NELL1: variants seen among roughly 807,000 people sequenced by gnomAD.
The protein encoded by NELL1 is protein kinase C-binding protein NELL1.
Under a neutral mutation model 107.4 loss-of-function variants are expected in NELL1, and 76 were observed. The observed-to-expected ratio is 0.71, with a 90% CI of 0.59 to 0.86. NELL1 has a LOEUF of 0.86. Among genes scored for constraint, NELL1 ranks in the 40% least tolerant of loss-of-function variants. The probability of loss-of-function intolerance (pLI) is 0.00; values close to 1 mark genes in which losing one functional copy is unlikely to be tolerated. For missense variants in NELL1, 1,024 were observed against 1,005.5 expected, an observed-to-expected ratio of 1.02 and a Z score of -0.25; for synonymous variants, 353 against 341.2, an observed-to-expected ratio of 1.03 and a Z score of -0.38.
At chr11:21,435,731 T>G (rs947763779) in intron 15 of NELL1, among the ~76,000 whole-genome samples, 1 of 152,030 alleles carries the variant, frequency 6.6e-6, no homozygotes, top group Admixed American at 6.6e-5. Flanking sequence ...TTGCTAGTAA[T>G]TTGTTGCATG....
chr11:20,834,388 G>A (rs1848491796), intron 3 of NELL1, among the ~76,000 whole-genome samples: 2 of 152,280 alleles, frequency 1.3e-5, no homozygotes, highest in Non-Finnish European at 1.5e-5. Context: ...CGAGTATTGA[G>A]TTTGGGGTAT....
chr11:21,423,174 C>T (rs923648410), intron 15 of NELL1, among the ~76,000 whole-genome samples: 5 of 151,834 alleles, frequency 3.3e-5, no homozygotes, highest in Admixed American at 1.3e-4. Context: ...AGACCATCCT[C>T]GCCAACATGG....
chr11:20,723,872 CA>C (rs1855450246), intron 2 of NELL1, among the ~76,000 whole-genome samples: 1 of 152,200 alleles, frequency 6.6e-6, no homozygotes, highest in African/African-American at 2.4e-5. Context: ...TGGAGGTTCC[CA>C]AACCTCAGCT....
At chr11:20,768,245 A>G (rs1325987800) in intron 2 of NELL1, among the ~76,000 whole-genome samples, 1 of 152,198 alleles carries the variant, frequency 6.6e-6, no homozygotes, top group Non-Finnish European at 1.5e-5. Context: ...CACTTGGCCA[A>G]GGTTATGTAT....
intron 13 of NELL1, among the ~76,000 whole-genome samples, chr11:21,210,900 C>A (rs1857484382): frequency 1.3e-5 from 2 of 152,128 alleles, no homozygotes; most frequent in Admixed American, 6.6e-5. Context: ...CTGTCTACAG[C>A]TTCTGATACC....
At chr11:21,450,580 A>G (rs944225458) in intron 15 of NELL1, among the ~76,000 whole-genome samples, 2 of 152,246 alleles carry the variant, frequency 1.3e-5, no homozygotes, top group African/African-American at 4.8e-5. Flanking sequence ...CAACTTTGAA[A>G]GTACAATTTA....
At position 20,935,935 on chromosome 11, in the gene NELL1, C is replaced by T. The variant is rs144171596; in HGVS notation, c.998-1851C>T. 4.0e-4 allele frequency among the ~76,000 whole-genome samples: 61 copies of T among 152,128 alleles called. No individual in the cohort carries two copies. In the East Asian group the frequency reaches 0.01, roughly 25 times the overall value. On this transcript the variant is annotated intron_variant, in intron 9 of 19. Transcript: ENST00000357134. ...GATGGATACCCATGCCATTGCCATT[C>T]ACTGAGAGGAGAATACAGGAGTGGA...
At chr11:21,035,557 C>G (rs1441081621) in intron 12 of NELL1, among the ~76,000 whole-genome samples, 5 of 151,564 alleles carry the variant, frequency 3.3e-5, no homozygotes, top group Admixed American at 3.3e-4. Context: ...GGCTTTTTCC[C>G]TCGAACGCAA....
intron 15 of NELL1, among the ~76,000 whole-genome samples, chr11:21,416,257 G>C (rs929794545): frequency 6.6e-6 from 1 of 152,038 alleles, no homozygotes; most frequent in Non-Finnish European, 1.5e-5. Context: ...TTTTAAAAAT[G>C]ATATTCATAG....
At chr11:21,161,944 C>CTTTTTTTTTTTTTTTTTTTTTTTTTT (rs34422649) in intron 13 of NELL1, among the ~76,000 whole-genome samples, 1 of 83,062 alleles carries the variant, frequency 1.2e-5, no homozygotes, top group Non-Finnish European at 2.1e-5. Context: ...GGAACATAAT[C>CTTTTTTTTTTTTTTTTTTTTTTTTTT]TTTTTTTTTT....
chr11:21,036,459 A>G (rs532988552), intron 12 of NELL1, among the ~76,000 whole-genome samples: 1 of 152,298 alleles, frequency 6.6e-6, no homozygotes, highest in South Asian at 2.1e-4. Context: ...AGCTGGAGGC[A>G]TCACACTGAC....
chr11:20,711,585 A>G (rs1590225615), intron 2 of NELL1, among the ~76,000 whole-genome samples: 1 of 152,022 alleles, frequency 6.6e-6, no homozygotes, highest in African/African-American at 2.4e-5. Context: ...GTACTGGCAA[A>G]TTCTCTAAGC....
chr11:21,410,527 C>T (rs899571651), intron 15 of NELL1, among the ~76,000 whole-genome samples: 1 of 151,982 alleles, frequency 6.6e-6, no homozygotes, highest in East Asian at 1.9e-4. Context: ...CTTTCCAGCA[C>T]CATATTCACA....
intron 16 of NELL1, among the ~76,000 whole-genome samples, chr11:21,551,812 A>C (rs1366223163): frequency 4.6e-5 from 7 of 151,590 alleles, no homozygotes; most frequent in African/African-American, 1.7e-4. Context: ...ACCATAAATC[A>C]TGCTGCTTTA....
At chr11:20,743,472 A>G (rs1519727) in intron 2 of NELL1, among the ~76,000 whole-genome samples, 79,081 of 152,052 alleles carry the variant, frequency 0.52, 23,783 homozygotes, top group Middle Eastern at 0.73. Flanking sequence ...TTGTTGTAAC[A>G]ATGAGATTAC....
intron 4 of NELL1, among the ~76,000 whole-genome samples, chr11:20,867,724 T>G (rs1849121978): frequency 6.6e-6 from 1 of 152,192 alleles, no homozygotes; most frequent in Admixed American, 6.5e-5. Flanking sequence ...TTTATTTGTT[T>G]CTGCCTATGC....
chr11:21,309,284 A>ATATATATATATATATG (rs1315834393), intron 14 of NELL1, among the ~76,000 whole-genome samples: 8 of 62,778 alleles, frequency 1.3e-4, no homozygotes, highest in South Asian at 8.3e-4. Flanking sequence ...ATATATGTAT[A>ATATATATATATATATG]TATATATATA....
chr11:20,725,426 A>C (rs960930842), intron 2 of NELL1, among the ~76,000 whole-genome samples: 1 of 152,202 alleles, frequency 6.6e-6, no homozygotes, highest in Non-Finnish European at 1.5e-5. Flanking sequence ...GGAGTATCTG[A>C]GTACAGTCTC....
chr11:21,198,342 T>C (rs1344098222), intron 13 of NELL1, among the ~76,000 whole-genome samples: 1 of 152,154 alleles, frequency 6.6e-6, no homozygotes, highest in Non-Finnish European at 1.5e-5. Flanking sequence ...CAAACACATT[T>C]CTAAGGCCAG....
Sources: gnomAD v4.1 joint callset for allele counts (sites outside exome capture counted in the v4.1 genomes callset) on GRCh38, gnomAD v4.1.1 for gene constraint, MANE v1.5 for transcripts, NCBI Gene and HGNC (gene_info 2026-07-23, HGNC 2026-07-21) for gene names.